Variants in SGCG observed in about 807,000 individuals in gnomAD.
SGCG encodes the protein sarcoglycan gamma.
Under a neutral mutation model 29.3 loss-of-function variants are expected in SGCG, and 26 were observed. The ratio of observed to expected loss-of-function variants is 0.89; its 90% CI spans 0.65 to 1.23. The LOEUF is 1.23. SGCG is among the 50% of genes most tolerant of loss of function. The probability of loss-of-function intolerance (pLI) is 0.00; values close to 1 mark genes in which losing one functional copy is unlikely to be tolerated. For missense variants in SGCG, 353 were observed against 356.0 expected, an observed-to-expected ratio of 0.99 and a Z score of 0.07; for synonymous variants, 145 against 129.7, an observed-to-expected ratio of 1.12 and a Z score of -0.80.
chr13:23,298,064 G>A (rs566381638), intron 6 of SGCG, among the ~76,000 whole-genome samples: 1 of 147,662 alleles, frequency 6.8e-6, no homozygotes, highest in African/African-American at 2.5e-5. Context: ...TTTTTAAATT[G>A]TTATTATACA....
At chr13:23,264,948 TAAATC>T (rs760765008) in intron 4 of SGCG, among the ~76,000 whole-genome samples, 14 of 152,174 alleles carry the variant, frequency 9.2e-5, no homozygotes, top group Non-Finnish European at 1.6e-4. Flanking sequence ...GTTTAAGACT[TAAATC>T]TAAGACTTGA....
At chr13:23,248,392 G>C (rs1346281616) in intron 3 of SGCG, among the ~76,000 whole-genome samples, 1 of 152,080 alleles carries the variant, frequency 6.6e-6, no homozygotes, top group East Asian at 1.9e-4. Context: ...GTATTATCAA[G>C]AGTAGCCTAA....
intron 1 of SGCG, among the ~76,000 whole-genome samples, chr13:23,197,982 T>A (rs1877579027): frequency 6.6e-6 from 1 of 152,196 alleles, no homozygotes; most frequent in African/African-American, 2.4e-5. Flanking sequence ...GAAAAAAGCT[T>A]TGTAGATACG....
chr13:23,210,418 G>A (rs576034479), intron 2 of SGCG, among the ~76,000 whole-genome samples: 5 of 152,128 alleles, frequency 3.3e-5, no homozygotes, highest in African/African-American at 7.2e-5. Context: ...ACGGCTGGGC[G>A]CGGTGGCTCA....
chr13:23,255,656 C>T lies in SGCG; in HGVS notation c.385+4939C>T, dbSNP rs538055714. ...CCCTCATGATTGGTTTAGTGCCATC[C>T]CCTTGGTCATGAGTAAGTTTTCACT... On this transcript the variant is annotated intron_variant, in intron 4 of 7. Transcript: ENST00000218867. Among the ~76,000 whole-genome samples, 7 of 152,192 alleles carry T rather than the reference C, an allele frequency of 4.6e-5. No individual in the cohort carries two copies. The East Asian group carries it at 1.2e-3, about 25-fold the overall frequency.
intron 6 of SGCG, among the ~76,000 whole-genome samples, chr13:23,309,664 T>A (rs1882486880): frequency 6.6e-6 from 1 of 152,208 alleles, no homozygotes; most frequent in South Asian, 2.1e-4. Flanking sequence ...TAATACCTAT[T>A]ATCAAATTAA....
the SGCG span, among the ~76,000 whole-genome samples, chr13:23,168,289 A>G: frequency 6.6e-6 from 1 of 152,040 alleles, no homozygotes; most frequent in Non-Finnish European, 1.5e-5. Context: ...TATTCCCTTA[A>G]TTTGTCACTA....
chr13:23,273,736 A>C (rs937890044), intron 4 of SGCG, among the ~76,000 whole-genome samples: 1 of 152,122 alleles, frequency 6.6e-6, no homozygotes, highest in Non-Finnish European at 1.5e-5. Flanking sequence ...AGGGAGTATT[A>C]TGTGTGGTCT....
chr13:23,297,888 G>A (rs982306995), intron 6 of SGCG, among the ~76,000 whole-genome samples: 3 of 151,954 alleles, frequency 2.0e-5, no homozygotes, highest in African/African-American at 2.4e-5. Flanking sequence ...GGGATTACAG[G>A]TGCCCACGAC....
intron 3 of SGCG, among the ~76,000 whole-genome samples, chr13:23,247,778 T>G (rs1023022985): frequency 1.8e-5 from 2 of 109,800 alleles, no homozygotes; most frequent in Middle Eastern, 3.8e-3. Flanking sequence ...AAAACTCATC[T>G]CTATTTAAAA....
chr13:23,251,692 C>G (rs768615067), intron 4 of SGCG, among the ~76,000 whole-genome samples: 3 of 151,798 alleles, frequency 2.0e-5, no homozygotes, highest in Admixed American at 6.6e-5. Flanking sequence ...GAGGATCACT[C>G]GAGCCTAGGA....
chr13:23,206,093 G>A (rs557083285), intron 2 of SGCG, among the ~76,000 whole-genome samples: 28 of 152,242 alleles, frequency 1.8e-4, no homozygotes, highest in African/African-American at 5.1e-4. Context: ...GTAAATTAAC[G>A]TATGCTTTAA....
intron 5 of SGCG, among the ~76,000 whole-genome samples, chr13:23,288,695 C>T (rs1881592702): frequency 6.6e-6 from 1 of 152,178 alleles, no homozygotes; most frequent in Non-Finnish European, 1.5e-5. Context: ...ACCCAAGTTA[C>T]AGAACATACT....
chr13:23,250,691 G>A lies in SGCG; in HGVS notation c.359G>A (p.Gly120Glu). 1 of 1,611,944 alleles carries A rather than the reference G, an allele frequency of 6.2e-7. No homozygotes were observed. The highest frequency in any genetic ancestry group is 1.1e-5 in the South Asian group (1 of 90,962). The change falls in exon 4 of 8, where the codon GGG (glycine) becomes GAG (glutamate). Residue 120 changes from glycine (G) to glutamate (E), a missense_variant. Physicochemically the swap from Gly to Glu is moderately conservative, Grantham distance 98 (BLOSUM62 -2). Coordinates refer to ENST00000218867, the MANE Select transcript of SGCG (RefSeq NM_000231.3). ...ACTGTAAATGCGCGCAACTCAGAAG[G>A]GGAGGTCACAGGCAGGTTAAAAGTC... ...NVTVNARNSEGEVTGRLKVGP... is the reference protein window; with the variant it reads ...NVTVNARNSEEEVTGRLKVGP...
chr13:23,244,397 C>CT, intron 3 of SGCG: 1 of 152,246 alleles, frequency 6.6e-6, no homozygotes, highest in South Asian at 2.1e-4. Context: ...TATGAGAAGC[C>CT]TTTGTGTTTT....
intron 4 of SGCG, 116 bp from the exon 5 acceptor site, chr13:23,279,243 C>A: frequency 1.0e-6 from 1 of 978,764 alleles, no homozygotes; most frequent in Non-Finnish European, 1.6e-6. Context: ...CTAATGGTAA[C>A]AAATACCAAG....
At chr13:23,272,903 G>T (rs1880922597) in intron 4 of SGCG, among the ~76,000 whole-genome samples, 1 of 152,118 alleles carries the variant, frequency 6.6e-6, no homozygotes, top group Admixed American at 6.5e-5. Context: ...GCAGAGTTCT[G>T]CATAGTTGTC....
At chr13:23,277,546 T>G (rs1881126953) in intron 4 of SGCG, among the ~76,000 whole-genome samples, 1 of 152,084 alleles carries the variant, frequency 6.6e-6, no homozygotes, top group Non-Finnish European at 1.5e-5. Flanking sequence ...TTAAGAACAC[T>G]TGGATGACCA....
intron 3 of SGCG, among the ~76,000 whole-genome samples, chr13:23,242,618 ATAC>A (rs1393605971): frequency 6.6e-6 from 1 of 152,186 alleles, no homozygotes; most frequent in Non-Finnish European, 1.5e-5. Flanking sequence ...TGTTCTCCTT[ATAC>A]CTTGCTGTCA....
Sources: gnomAD v4.1 joint callset for allele counts (sites outside exome capture counted in the v4.1 genomes callset) on GRCh38, gnomAD v4.1.1 for gene constraint, MANE v1.5 for transcripts, NCBI Gene and HGNC (gene_info 2026-07-23, HGNC 2026-07-21) for gene names.